FAM131C: variants seen among roughly 807,000 people sequenced by gnomAD.
FAM131C encodes the protein family with sequence similarity 131 member C, also known as protein FAM131C.
Under a neutral mutation model 29.8 loss-of-function variants are expected in FAM131C, and 14 were observed. That is an observed-to-expected ratio of 0.47 (90% CI 0.31 to 0.73). The LOEUF is 0.73. Among genes scored for constraint, FAM131C ranks in the 30% least tolerant of loss-of-function variants. The probability of loss-of-function intolerance (pLI) is 0.05; values close to 1 mark genes in which losing one functional copy is unlikely to be tolerated. For synonymous variants in FAM131C, 86 were observed against 157.8 expected, an observed-to-expected ratio of 0.54 and a Z score of 3.41; for missense variants, 252 against 383.8, an observed-to-expected ratio of 0.66 and a Z score of 2.87.
chr1:16,059,267 G>A (rs138040686), intron 6 of FAM131C, among the ~76,000 whole-genome samples: 6,548 of 141,054 alleles, frequency 0.046, no homozygotes, highest in Non-Finnish European at 0.059. Flanking sequence ...CCTCGGTGTG[G>A]TAAGCGCTCG....
chr1:16,067,880 C>A (rs2023700158), intron 1 of FAM131C, among the ~76,000 whole-genome samples: 1 of 152,156 alleles, frequency 6.6e-6, no homozygotes, highest in Middle Eastern at 3.2e-3. Context: ...GCTCCGTGTC[C>A]CAACCCATTA....
At chr1:16,069,620 G>C (rs74054909) in intron 1 of FAM131C, among the ~76,000 whole-genome samples, 1 of 152,194 alleles carries the variant, frequency 6.6e-6, no homozygotes, top group Non-Finnish European at 1.5e-5. Flanking sequence ...CATGGAGCGG[G>C]TACTGAGCCC....
intron 1 of FAM131C, among the ~76,000 whole-genome samples, chr1:16,064,474 G>A (rs1309544630): frequency 3.3e-5 from 5 of 152,068 alleles, no homozygotes; most frequent in African/African-American, 1.2e-4. Context: ...CCCCCCAGAG[G>A]CTCTGCTCTC....
intron 4 of FAM131C, 22 bp downstream of exon 4, chr1:16,062,077 G>A: frequency 6.2e-7 from 1 of 1,608,956 alleles, no homozygotes; most frequent in African/African-American, 1.3e-5. Context: ...CCACCGGCAG[G>A]AGAGTTGCGG....
At chr1:16,067,147 G>A (rs1310229165) in intron 1 of FAM131C, among the ~76,000 whole-genome samples, 2 of 151,518 alleles carry the variant, frequency 1.3e-5, no homozygotes, top group Admixed American at 6.6e-5. Flanking sequence ...TCCCCAGCCC[G>A]CCTGGCTCCC....
In FAM131C at chr1:16,058,327, C is replaced by G. The variant is rs531913455; in HGVS notation, c.*110G>C. On this transcript the variant is annotated 3_prime_UTR_variant, in exon 7 of 7. Transcript: ENST00000375662. Reference sequence around the variant, plus strand: ...CTGCCGCACCTACCCTGTGCCTACCCGAGGGGTCAAGGGATGCCCTGCCCT... The same window carrying G: ...CTGCCGCACCTACCCTGTGCCTACCGGAGGGGTCAAGGGATGCCCTGCCCT... 11 of 1,224,384 alleles carry G rather than the reference C, an allele frequency of 9.0e-6. No homozygotes were observed. Among genetic ancestry groups the G allele is most frequent in the African/African-American group, 3.0e-5 (2 of 66,026 alleles). 75.8% of individuals were successfully genotyped at this position (1,224,384 alleles called of 1,614,324 possible).
chr1:16,063,897 G>T (rs1470421306), intron 1 of FAM131C, among the ~76,000 whole-genome samples: 2 of 151,878 alleles, frequency 1.3e-5, no homozygotes, highest in Non-Finnish European at 2.9e-5. Context: ...GCATGATTTT[G>T]GCCTCGTGGA....
intron 3 of FAM131C, 77 bp downstream of exon 3, chr1:16,062,422 T>G: frequency 3.2e-6 from 2 of 615,972 alleles, no homozygotes; most frequent in Non-Finnish European, 5.5e-6. Flanking sequence ...ACTGTGTGCC[T>G]GGGCTGGGCA....
Position 16,059,881 on chromosome 1 carries a change from G to A in FAM131C, c.439C>T (p.Arg147Cys), listed in dbSNP as rs752869693. The A allele has an allele frequency of 6.5e-6, 8 of 1,236,082 alleles. No individual in the cohort carries two copies. The highest frequency in any genetic ancestry group is 2.8e-5 in the Admixed American group (1 of 35,728). 76.6% of individuals were successfully genotyped at this position (1,236,082 alleles called of 1,614,324 possible). Residue 147 changes from arginine to cysteine, a missense_variant, in exon 5 of 7, where the codon CGC (arginine) becomes TGC (cysteine). Physicochemically the swap from Arg to Cys is radical, Grantham distance 180 (BLOSUM62 -3). Transcript: ENST00000375662. ...CCTCCTCGCTGACCTGCAGCAAAGC[G>A]GGCCTCACGCAGCTCATCCGGGAGG... ...CCLPDELREA[R>C]FAAGVAEQFA... is the part of the protein sequence containing the mutation.
chr1:16,064,422 C>T (rs1165970817), intron 1 of FAM131C, among the ~76,000 whole-genome samples: 1 of 152,204 alleles, frequency 6.6e-6, no homozygotes, highest in African/African-American at 2.4e-5. Flanking sequence ...CACCCAAGAC[C>T]TTCTGGCCCA....
In FAM131C at chr1:16,062,235, G is replaced by A. The variant is rs375523333; in HGVS notation, c.175-43C>T. 3.3e-4 allele frequency: 526 copies of A among 1,586,240 alleles called. No homozygotes were observed. The African/African-American group carries it at 6.5e-3, about 20-fold the overall frequency. Reference sequence around the variant, plus strand: ...AGGAGTGAGCAGGGTGGGCCAGGCTGCCGGCCGACATCCCTCCAGCACCAC... The same window carrying A: ...AGGAGTGAGCAGGGTGGGCCAGGCTACCGGCCGACATCCCTCCAGCACCAC... On this transcript the variant is annotated intron_variant, in intron 3 of 6. Coordinates refer to ENST00000375662, the MANE Select transcript of FAM131C (RefSeq NM_182623.3).
chr1:16,063,591 G>A lies in FAM131C; in HGVS notation c.68C>T (p.Ala23Val), dbSNP rs549929286. ...GGGCAGATCTGGGTTCAAGGGGTCCGCACCCTGGGGCATGGGGCAGTTCTT... is the reference window on the plus strand; with the variant it reads ...GGGCAGATCTGGGTTCAAGGGGTCCACACCCTGGGGCATGGGGCAGTTCTT... ...AHKNCPMPQG[A>V]DPLNPDLPSG... The change falls in exon 2 of 7, where the codon GCG becomes GTG. Residue 23 changes from alanine (A) to valine (V), a missense_variant. By Grantham distance (64) the Ala-to-Val change is moderately conservative. This residue lies in a region of FAM131C where 76 missense variants were observed against 62.8 expected (regional missense o/e 1.21). Transcript: ENST00000375662. 1.4e-5 allele frequency: 22 copies of A among 1,613,318 alleles called. No homozygotes were observed. The highest frequency in any genetic ancestry group is 3.3e-5 in the Admixed American group (2 of 59,930).
intron 1 of FAM131C, 57 bp downstream of exon 1, chr1:16,073,364 G>C: frequency 9.8e-7 from 1 of 1,023,520 alleles, no homozygotes; most frequent in Non-Finnish European, 1.2e-6. Context: ...CGAGCGGCGA[G>C]GGGACTGCGC....
intron 1 of FAM131C, among the ~76,000 whole-genome samples, chr1:16,066,013 C>T (rs146724279): frequency 0.013 from 2,015 of 152,202 alleles, 46 homozygotes; most frequent in African/African-American, 0.046. Context: ...GATTCTCCTG[C>T]CTCAGCCTCC....
chr1:16,068,432 T>C lies in FAM131C; in HGVS notation c.23-4796A>G, dbSNP rs1346580903. 2.0e-5 allele frequency among the ~76,000 whole-genome samples: 3 copies of C among 152,304 alleles called. No homozygotes were observed. The East Asian group carries it at 5.8e-4, about 29-fold the overall frequency. On this transcript the variant is annotated intron_variant, in intron 1 of 6. Transcript: ENST00000375662. ...CCCCTCAGTGTCTCTCTCTGGACAA[T>C]GGGACACATCTTGGTCAGCCACTCC...
At chr1:16,070,964 G>A (rs1261103684) in intron 1 of FAM131C, among the ~76,000 whole-genome samples, 1 of 152,246 alleles carries the variant, frequency 6.6e-6, no homozygotes, top group Non-Finnish European at 1.5e-5. Flanking sequence ...GGTGTGGCCT[G>A]ACCTAGGTTT....
chr1:16,070,540 C>A (rs1477763222), intron 1 of FAM131C, among the ~76,000 whole-genome samples: 1 of 152,110 alleles, frequency 6.6e-6, no homozygotes, highest in East Asian at 1.9e-4. Flanking sequence ...ACCTGTAATC[C>A]CAGCACTTTG....
At position 16,062,467 on chromosome 1, in the gene FAM131C, C is replaced by A. The variant is rs184646734; in HGVS notation, c.174+32G>T. ...GAGGGGCCGTGGTGTCAGCTGGGGC[C>A]GGCTAGAATGGGGACACACAAGTGC... On this transcript the variant is annotated intron_variant, in intron 3 of 6. Transcript: ENST00000375662. The A allele has an allele frequency of 6.5e-6, 10 of 1,544,984 alleles. No individual in the cohort carries two copies. In the African/African-American group the frequency reaches 1.1e-4, roughly 18 times the overall value.
chr1:16,062,072 G>T (rs541850510), intron 4 of FAM131C, 27 bp downstream of exon 4: 5 of 1,607,148 alleles, frequency 3.1e-6, no homozygotes, highest in Middle Eastern at 2.2e-4. Context: ...ATTCTCCACC[G>T]GCAGGAGAGT....
Sources: gnomAD v4.1 joint callset for allele counts (sites outside exome capture counted in the v4.1 genomes callset) on GRCh38, gnomAD v4.1.1 for gene constraint, gnomAD v4.1.1 regional missense constraint, MANE v1.5 for transcripts, NCBI Gene and HGNC (gene_info 2026-07-23, HGNC 2026-07-21) for gene names.